DMD: variants seen among roughly 807,000 people sequenced by gnomAD.
DMD encodes the protein dystrophin, also known as mutant dystrophin.
In DMD, 63 loss-of-function variants were observed where a neutral mutation model predicts 330.1. That is an observed-to-expected ratio of 0.19 (90% CI 0.16 to 0.24). The LOEUF (loss-of-function observed/expected upper bound fraction) is 0.24, where lower values mean the gene tolerates loss of function less well. Among genes scored for constraint, DMD ranks in the 10% least tolerant of loss-of-function variants. The pLI is 1.00. For synonymous variants in DMD, 1,223 were observed against 959.8 expected (o/e 1.27, Z -5.07); for missense variants, 3,344 against 2,684.1 (o/e 1.25, Z -5.43).
intron 2 of DMD, among the ~76,000 whole-genome samples, chrX:32,902,738 G>A (rs2086372921): frequency 9.0e-6 from 1 of 110,784 alleles, no homozygotes; most frequent in Non-Finnish European, 1.9e-5. Context: ...CCAGGAAGCA[G>A]CATATATAGG....
At chrX:32,786,370 G>A (rs896321769) in intron 7 of DMD, among the ~76,000 whole-genome samples, 9 of 110,170 alleles carry the variant, frequency 8.2e-5, no homozygotes, top group African/African-American at 3.0e-4. Context: ...ATGTTTTGAT[G>A]CCTTTGCCAT....
At chrX:33,241,740 G>A (rs560756613) in intron 1 of DMD, among the ~76,000 whole-genome samples, 73 of 111,304 alleles carry the variant, frequency 6.6e-4, no homozygotes, top group Middle Eastern at 4.6e-3. Context: ...TCACTTCTTT[G>A]GTTAAATTTA....
At chrX:31,361,342 G>A (rs1234020084) in intron 60 of DMD, among the ~76,000 whole-genome samples, 2 of 111,676 alleles carry the variant, frequency 1.8e-5, no homozygotes, top group East Asian at 5.6e-4. Flanking sequence ...TATGTACACT[G>A]TACTGTATGT....
At chrX:32,406,318 C>T (rs963819441) in intron 30 of DMD, among the ~76,000 whole-genome samples, 1 of 111,451 alleles carries the variant, frequency 9.0e-6, no homozygotes, top group African/African-American at 3.3e-5. Flanking sequence ...AGAGGGCACC[C>T]CTGTCTTGTG....
At chrX:31,183,773 G>C in intron 67 of DMD, among the ~76,000 whole-genome samples, 1 of 109,226 alleles carries the variant, frequency 9.2e-6, no homozygotes, top group Non-Finnish European at 1.9e-5. Flanking sequence ...TTCCATCTGG[G>C]ATTAGTTCTG....
chrX:33,002,849 C>CG (rs1245918119), intron 2 of DMD, among the ~76,000 whole-genome samples: 13 of 14,826 alleles, frequency 8.8e-4, no homozygotes, highest in South Asian at 5.4e-3. Flanking sequence ...ATTTTTTTCT[C>CG]GAAAAAAAAA....
chrX:32,475,590 C>G (rs947699037), intron 21 of DMD, among the ~76,000 whole-genome samples: 1 of 110,788 alleles, frequency 9.0e-6, no homozygotes, highest in African/African-American at 3.3e-5. Flanking sequence ...AGGTATATTC[C>G]TAAGTTTTTT....
In DMD at chrX:31,627,792, T is replaced by C. The variant is rs2078924116; in HGVS notation, c.8098A>G (p.Lys2700Glu). 2 of 1,211,145 alleles carry C rather than the reference T, an allele frequency of 1.7e-6. No homozygotes were observed. The highest frequency in any genetic ancestry group is 2.2e-6 in the Non-Finnish European group (2 of 895,243). ...LLQQFPLDLE[K>E]FLAWLTEAET... is the part of the protein sequence containing the mutation. The stretch of plus-strand genomic sequence containing the variant: ...GCTTCTGTAAGCCAGGCAAGAAACT[T>C]TTCCAGGTCCAGGGGGAACTGTTGC... The change falls in exon 55 of 79, where the codon AAG (lysine) becomes GAG (glutamate). Residue 2700 changes from lysine (K) to glutamate (E), a missense_variant. By Grantham distance (56) the Lys-to-Glu change is moderately conservative. Transcript: ENST00000357033.
chrX:31,284,607 T>TCTTCTTCTTCTTCTTCTTCTTC (rs61693430), intron 62 of DMD, among the ~76,000 whole-genome samples: 25 of 102,054 alleles, frequency 2.4e-4, no homozygotes, highest in East Asian at 5.9e-4. Context: ...TTCTTCTTCT[T>TCTTCTTCTTCTTCTTCTTCTTC]TTTTTTGGCA....
intron 44 of DMD, among the ~76,000 whole-genome samples, chrX:32,189,430 C>T (rs2096962193): frequency 9.2e-6 from 1 of 108,461 alleles, no homozygotes; most frequent in African/African-American, 3.3e-5. Context: ...TTATTGAAAG[C>T]ACAGGCACAC....
intron 52 of DMD, among the ~76,000 whole-genome samples, chrX:31,696,519 A>G (rs2083460348): frequency 1.8e-5 from 2 of 111,910 alleles, no homozygotes; most frequent in Admixed American, 9.5e-5. Flanking sequence ...GGGGATCCTG[A>G]GCTTCTGGCT....
At chrX:32,207,303 A>G (rs1174025048) in intron 44 of DMD, among the ~76,000 whole-genome samples, 2 of 111,266 alleles carry the variant, frequency 1.8e-5, no homozygotes, top group Non-Finnish European at 3.8e-5. Context: ...GTGGGAGTTC[A>G]GCCCCCTTTT....
At chrX:32,623,032 T>C (rs2058101567) in intron 11 of DMD, among the ~76,000 whole-genome samples, 1 of 112,226 alleles carries the variant, frequency 8.9e-6, no homozygotes, top group Non-Finnish European at 1.9e-5. Context: ...TATAGATTTA[T>C]GTGACACTGG....
chrX:32,906,543 G>T (rs1356880502), intron 2 of DMD, among the ~76,000 whole-genome samples: 1 of 112,204 alleles, frequency 8.9e-6, no homozygotes, highest in Non-Finnish European at 1.9e-5. Flanking sequence ...AACTAAGACA[G>T]AGCTAGCTTG....
intron 43 of DMD, among the ~76,000 whole-genome samples, chrX:32,259,139 G>T (rs1457149345): frequency 1.8e-5 from 2 of 109,927 alleles, no homozygotes; most frequent in Non-Finnish European, 3.8e-5. Context: ...TGTTTTGCCA[G>T]TGTAGCTTCT....
chrX:32,987,303 A>C (rs1482271095), intron 2 of DMD, among the ~76,000 whole-genome samples: 1 of 111,304 alleles, frequency 9.0e-6, no homozygotes, highest in East Asian at 2.8e-4. Flanking sequence ...GAAGCTCCCC[A>C]CTTGGCATTC....
At chrX:32,546,372 G>A (rs1047917077) in intron 16 of DMD, among the ~76,000 whole-genome samples, 1 of 109,067 alleles carries the variant, frequency 9.2e-6, no homozygotes, top group Non-Finnish European at 1.9e-5. Context: ...AAGGAGCAGG[G>A]ATCTGGCTGG....
intron 13 of DMD, among the ~76,000 whole-genome samples, chrX:32,574,606 C>CTTT (rs2052809611): frequency 9.0e-6 from 1 of 111,318 alleles, no homozygotes; most frequent in African/African-American, 3.3e-5. Context: ...CACTTTATAG[C>CTTT]CTGAATTTTC....
chrX:33,190,190 T>A, intron 1 of DMD, among the ~76,000 whole-genome samples: 1 of 109,788 alleles, frequency 9.1e-6, no homozygotes, highest in South Asian at 3.9e-4. Flanking sequence ...TGAAATATTA[T>A]TATTATAAAA....
Sources: allele counts gnomAD v4.1 joint callset (sites outside exome capture counted in the v4.1 genomes callset), GRCh38; gene constraint gnomAD v4.1.1; transcripts MANE v1.5; gene names NCBI Gene and HGNC (gene_info 2026-07-23, HGNC 2026-07-21).